Variants in CDKAL1 observed in about 807,000 individuals in gnomAD.
CDKAL1 encodes CDKAL1 threonylcarbamoyladenosine tRNA methylthiotransferase, also known as threonylcarbamoyladenosine tRNA methylthiotransferase.
Under a neutral mutation model 68.2 loss-of-function variants are expected in CDKAL1, and 32 were observed. That is an observed-to-expected ratio of 0.47 (90% CI 0.35 to 0.63). The LOEUF (loss-of-function observed/expected upper bound fraction) is 0.63. Ranked by LOEUF, CDKAL1 falls within the 30% of genes least tolerant of loss-of-function variation. The pLI, the probability that CDKAL1 is intolerant of heterozygous loss-of-function variation, is 0.00. For missense variants in CDKAL1, 606 were observed against 696.7 expected (o/e 0.87, Z 1.47); for synonymous variants, 234 against 244.3 (o/e 0.96, Z 0.39).
At chr6:21,171,609 G>T (rs902823996) in intron 13 of CDKAL1, among the ~76,000 whole-genome samples, 2 of 152,124 alleles carry the variant, frequency 1.3e-5, no homozygotes, top group Non-Finnish European at 2.9e-5. Context: ...CCATTGAATG[G>T]ATACATCACT....
At chr6:20,939,075 T>G (rs1442176841) in intron 9 of CDKAL1, among the ~76,000 whole-genome samples, 1 of 152,182 alleles carries the variant, frequency 6.6e-6, no homozygotes, top group Non-Finnish European at 1.5e-5. Context: ...GCTTAATATG[T>G]TCTCAGTCAC....
chr6:20,644,583 G>A (rs1157715195), intron 4 of CDKAL1, among the ~76,000 whole-genome samples: 3 of 152,164 alleles, frequency 2.0e-5, no homozygotes, highest in African/African-American at 4.8e-5. Context: ...AGGAGGCTGA[G>A]GCAGGAGAAT....
At chr6:20,844,795 C>T (rs780081621) in intron 8 of CDKAL1, among the ~76,000 whole-genome samples, 4 of 151,926 alleles carry the variant, frequency 2.6e-5, no homozygotes, top group East Asian at 1.9e-4. Flanking sequence ...ACCAAGGAAA[C>T]GACAATAGAA....
chr6:20,862,752 C>T (rs911149692), intron 9 of CDKAL1, among the ~76,000 whole-genome samples: 2 of 152,140 alleles, frequency 1.3e-5, no homozygotes, highest in Non-Finnish European at 2.9e-5. Context: ...TGAGGCCAGG[C>T]AAAGTGGCTC....
chr6:21,091,233 A>G (rs947022012), intron 12 of CDKAL1, among the ~76,000 whole-genome samples: 3 of 152,224 alleles, frequency 2.0e-5, no homozygotes, highest in African/African-American at 7.2e-5. Context: ...TAAAGAGGAC[A>G]GGCTAGGAGA....
At chr6:20,971,100 G>C (rs1243695244) in intron 10 of CDKAL1, among the ~76,000 whole-genome samples, 1 of 152,146 alleles carries the variant, frequency 6.6e-6, no homozygotes, top group Non-Finnish European at 1.5e-5. Flanking sequence ...GCCTGCCTTG[G>C]CCTCCCAAAG....
intron 4 of CDKAL1, among the ~76,000 whole-genome samples, chr6:20,618,766 C>A (rs925779173): frequency 2.0e-5 from 3 of 152,092 alleles, no homozygotes; most frequent in African/African-American, 7.2e-5. Flanking sequence ...CTAGCCTCGA[C>A]TTCCCAGGCT....
At chr6:20,954,329 ATTTT>A (rs1383542443) in intron 9 of CDKAL1, among the ~76,000 whole-genome samples, 1 of 152,192 alleles carries the variant, frequency 6.6e-6, no homozygotes, top group African/African-American at 2.4e-5. Flanking sequence ...ATTTAAATGT[ATTTT>A]TGAAACTCTT....
At chr6:20,774,655 TG>T (rs1382809212) in intron 7 of CDKAL1, among the ~76,000 whole-genome samples, 1 of 152,226 alleles carries the variant, frequency 6.6e-6, no homozygotes, top group Non-Finnish European at 1.5e-5. Flanking sequence ...TAATATACAG[TG>T]CCTTGGTTTC....
rs1419916860 is a variant in CDKAL1 at position 21,140,238 on chromosome 6, T to G, written c.1299+31775T>G. 2.0e-5 allele frequency among the ~76,000 whole-genome samples: 3 copies of G among 152,250 alleles called. No homozygotes were observed. In the East Asian group the frequency reaches 5.8e-4, roughly 29 times the overall value. On this transcript the variant is annotated intron_variant, in intron 13 of 15. Transcript: ENST00000274695. ...TCTCAAGGGTAAGGACTATGTCTTA[T>G]GTCTTTGAACACCCTTAAAGGAACC...
At chr6:21,210,338 G>A (rs1779103324) in intron 15 of CDKAL1, among the ~76,000 whole-genome samples, 1 of 152,174 alleles carries the variant, frequency 6.6e-6, no homozygotes, top group South Asian at 2.1e-4. Flanking sequence ...GCCTTTGGGA[G>A]GTGGTTAGGT....
chr6:21,159,238 T>C (rs1776793666), intron 13 of CDKAL1, among the ~76,000 whole-genome samples: 1 of 152,118 alleles, frequency 6.6e-6, no homozygotes, highest in Non-Finnish European at 1.5e-5. Flanking sequence ...ATACAACTTA[T>C]TCAGATAAGA....
chr6:20,691,269 C>T (rs1008084243), intron 5 of CDKAL1, among the ~76,000 whole-genome samples: 5 of 151,380 alleles, frequency 3.3e-5, no homozygotes, highest in Non-Finnish European at 5.9e-5. Flanking sequence ...GCCCTCTGGG[C>T]CTGGGCATCT....
chr6:21,153,847 A>G (rs541695258), intron 13 of CDKAL1, among the ~76,000 whole-genome samples: 1 of 152,284 alleles, frequency 6.6e-6, no homozygotes, highest in East Asian at 1.9e-4. Flanking sequence ...TAAGACCTGG[A>G]GAATGCAGGT....
intron 4 of CDKAL1, among the ~76,000 whole-genome samples, chr6:20,632,065 G>A (rs909270507): frequency 5.9e-5 from 9 of 152,050 alleles, no homozygotes; most frequent in Admixed American, 2.0e-4. Flanking sequence ...TGTGTAACAC[G>A]GATGCCCCTT....
intron 13 of CDKAL1, among the ~76,000 whole-genome samples, chr6:21,143,630 G>T (rs891486341): frequency 6.6e-6 from 1 of 152,074 alleles, no homozygotes; most frequent in African/African-American, 2.4e-5. Flanking sequence ...TAGTGTGTTT[G>T]TAACACCCAA....
At chr6:20,588,283 T>G (rs1423965362) in intron 4 of CDKAL1, among the ~76,000 whole-genome samples, 1 of 152,188 alleles carries the variant, frequency 6.6e-6, no homozygotes, top group African/African-American at 2.4e-5. Context: ...GAGTGAACTT[T>G]TCAAAAATAC....
intron 4 of CDKAL1, among the ~76,000 whole-genome samples, chr6:20,588,597 C>T (rs1020894391): frequency 1.3e-5 from 2 of 152,166 alleles, no homozygotes; most frequent in Admixed American, 6.6e-5. Context: ...CTCCTACGTT[C>T]GGTAGCTCTA....
At chr6:21,003,002 T>G (rs1767511990) in intron 11 of CDKAL1, among the ~76,000 whole-genome samples, 1 of 150,736 alleles carries the variant, frequency 6.6e-6, no homozygotes, top group Admixed American at 6.6e-5. Flanking sequence ...AATAAAAAAG[T>G]GATCCTTGCA....
Sources: gnomAD v4.1 joint callset for allele counts (sites outside exome capture counted in the v4.1 genomes callset) on GRCh38, gnomAD v4.1.1 for gene constraint, MANE v1.5 for transcripts, NCBI Gene and HGNC (gene_info 2026-07-23, HGNC 2026-07-21) for gene names.